Variants in TFB2M observed in about 807,000 individuals in gnomAD.
TFB2M encodes the protein dimethyladenosine transferase 2, mitochondrial.
Under a neutral mutation model 41.3 loss-of-function variants are expected in TFB2M, and 44 were observed. The observed-to-expected ratio is 1.07, with a 90% CI of 0.84 to 1.37. TFB2M has a LOEUF of 1.37. Among genes scored for constraint, TFB2M ranks in the 40% most tolerant of loss-of-function variants. The pLI, the probability that TFB2M is intolerant of heterozygous loss-of-function variation, is 0.00. For missense variants in TFB2M, 496 were observed against 490.2 expected (o/e 1.01, Z -0.11); for synonymous variants, 188 against 176.8 (o/e 1.06, Z -0.50).
chr1:246,552,002 C>G (rs1659198851), intron 4 of TFB2M, among the ~76,000 whole-genome samples: 1 of 152,008 alleles, frequency 6.6e-6, no homozygotes, highest in South Asian at 2.1e-4. Flanking sequence ...ATTTTTTGCC[C>G]CACTATCCTA....
chr1:246,553,646 C>T (rs1036712229), intron 4 of TFB2M, among the ~76,000 whole-genome samples: 3 of 124,862 alleles, frequency 2.4e-5, no homozygotes, highest in Non-Finnish European at 5.7e-5. Context: ...CCAGCCTGGG[C>T]GACAGTGAGA....
At chr1:246,551,090 A>G in intron 5 of TFB2M, 123 bp downstream of exon 5, 1 of 692,398 alleles carries the variant, frequency 1.4e-6, no homozygotes. Context: ...TGAGAGGATC[A>G]CTTGAGTCCA....
At chr1:246,563,177 G>GT (rs1209759639) in intron 2 of TFB2M, among the ~76,000 whole-genome samples, 4 of 150,272 alleles carry the variant, frequency 2.7e-5, no homozygotes, top group African/African-American at 9.8e-5. Context: ...TGATGCTGCT[G>GT]TGCTGCTTAG....
chr1:246,550,837 C>A (rs187714719), intron 5 of TFB2M, among the ~76,000 whole-genome samples: 3 of 152,130 alleles, frequency 2.0e-5, no homozygotes, highest in African/African-American at 7.2e-5. Flanking sequence ...GAGCCGAGAT[C>A]GAACCACTGC....
At chr1:246,547,186 G>T (rs1055388342) in intron 6 of TFB2M, among the ~76,000 whole-genome samples, 7 of 152,092 alleles carry the variant, frequency 4.6e-5, no homozygotes, top group African/African-American at 1.7e-4. Flanking sequence ...GTTTCAGCAC[G>T]TTGGCCAGGC....
rs776876056 is a variant in TFB2M, at chr1:246,565,865, G to C, written c.274C>G (p.Pro92Ala). The change falls in exon 1 of 8, where the codon CCA (proline) becomes GCA (alanine). Residue 92 changes from proline to alanine, a missense_variant. Physicochemically the swap from Pro to Ala is conservative, Grantham distance 27 (BLOSUM62 -1). Transcript: ENST00000366514. ...AGCAGTAGGTGTGGAGGTCTACTTG[G>C]TTTTCCCAAATAGATTTGCGCCAGG... Reference protein sequence around the residue: ...ETLAQIYLGKPSRPPHLLLEC... With the variant: ...ETLAQIYLGKASRPPHLLLEC... 6.2e-7 allele frequency: 1 copy of C among 1,608,754 alleles called. No individual in the cohort carries two copies. The highest frequency in any genetic ancestry group is 1.7e-5 in the Admixed American group (1 of 59,936).
chr1:246,541,045 G>C lies in TFB2M; in HGVS notation c.1177C>G (p.Leu393Val), dbSNP rs1423189757. ...CAGTCTAGTTGCTACCTATCTTCCAGGGTTTCATCATACAGCCATTTATAA... is the reference window on the plus strand; with the variant it reads ...CAGTCTAGTTGCTACCTATCTTCCACGGTTTCATCATACAGCCATTTATAA... ...CAYKWLYDET[L>V]EDR is the part of the protein sequence containing the mutation. Residue 393 changes from leucine (L) to valine (V), a missense_variant, in exon 8 of 8, where the codon CTG (leucine) becomes GTG (valine). By Grantham distance (32) the Leu-to-Val change is conservative. Coordinates refer to ENST00000366514, the MANE Select transcript of TFB2M (RefSeq NM_022366.3). The C allele has an allele frequency of 3.7e-6, 6 of 1,611,098 alleles. No homozygotes were observed. The highest frequency in any genetic ancestry group is 1.7e-5 in the Admixed American group (1 of 59,636).
intron 2 of TFB2M, among the ~76,000 whole-genome samples, chr1:246,558,438 C>T (rs1236703407): frequency 6.6e-6 from 1 of 152,088 alleles, no homozygotes; most frequent in Non-Finnish European, 1.5e-5. Context: ...TGAGCCACTG[C>T]ACCCGGCCCC....
chr1:246,545,137 A>T (rs998558295), intron 6 of TFB2M, among the ~76,000 whole-genome samples: 2 of 152,214 alleles, frequency 1.3e-5, no homozygotes, highest in Non-Finnish European at 2.9e-5. Flanking sequence ...CCAAGAACAC[A>T]AAGCCCTAAT....
At chr1:246,559,832 G>C (rs1236587293) in intron 2 of TFB2M, among the ~76,000 whole-genome samples, 1 of 152,152 alleles carries the variant, frequency 6.6e-6, no homozygotes. Context: ...GAGAAACAGA[G>C]GACTAGCCCT....
chr1:246,557,807 C>T (rs1358356287), intron 2 of TFB2M, among the ~76,000 whole-genome samples: 1 of 151,742 alleles, frequency 6.6e-6, no homozygotes, highest in Non-Finnish European at 1.5e-5. Context: ...GTAGCTGGGA[C>T]TACAGGTGCG....
rs751647201 is a variant in TFB2M, at chr1:246,544,563, T to C, written c.977A>G (p.His326Arg). Residue 326 changes from histidine (H) to arginine (R), a missense_variant, in exon 7 of 8, where the codon CAC becomes CGC. By Grantham distance (29) the His-to-Arg change is conservative. Transcript: ENST00000366514. ...NYNIFFHLLK[H>R]CFGRRSATVI... ...AGTGGCGCTGCGCCTCCCAAAACAG[T>C]GCTTTAACAAGTGAAAAAATATATT... The C allele has an allele frequency of 1.2e-6, 2 of 1,610,010 alleles. No individual in the cohort carries two copies. Among genetic ancestry groups the C allele is most frequent in the East Asian group, 4.5e-5 (2 of 44,818 alleles).
At chr1:246,545,967 C>G (rs1317307195) in intron 6 of TFB2M, among the ~76,000 whole-genome samples, 2 of 152,060 alleles carry the variant, frequency 1.3e-5, no homozygotes, top group African/African-American at 4.8e-5. Flanking sequence ...ATCCAGGAGT[C>G]TTAGGCCAAC....
rs766708323 is a variant in TFB2M, at chr1:246,551,318, T to C, written c.706-16A>G. 9 of 1,544,422 alleles carry C rather than the reference T, an allele frequency of 5.8e-6. No homozygotes were observed. Among genetic ancestry groups the C allele is most frequent in the Non-Finnish European group, 8.1e-6 (9 of 1,116,506 alleles). ...CCATTAGTTTCTAGTAAAAGGAAAA[T>C]AAAAATTACATGTTATACACATCTA... On this transcript the variant is annotated splice_polypyrimidine_tract_variant and intron_variant, in intron 4 of 7. Coordinates refer to ENST00000366514, the MANE Select transcript of TFB2M (RefSeq NM_022366.3).
At position 246,541,211 on chromosome 1, in the gene TFB2M, G is replaced by T. The variant is rs1658846119; in HGVS notation, c.1020-9C>A. The stretch of plus-strand genomic sequence containing the variant: ...CAAGTGGAGTCAATGAACTGCAAAA[G>T]AAATACAAAGTAAATGTACTTAATT... On this transcript the variant is annotated splice_polypyrimidine_tract_variant and intron_variant, in intron 7 of 7. Coordinates refer to ENST00000366514, the MANE Select transcript of TFB2M (RefSeq NM_022366.3). 5 of 1,611,644 alleles carry T rather than the reference G, an allele frequency of 3.1e-6. No homozygotes were observed. Among genetic ancestry groups the T allele is most frequent in the African/African-American group, 1.3e-5 (1 of 74,976 alleles).
chr1:246,547,468 T>C (rs1659055255), intron 6 of TFB2M, among the ~76,000 whole-genome samples: 1 of 152,218 alleles, frequency 6.6e-6, no homozygotes, highest in Non-Finnish European at 1.5e-5. Flanking sequence ...ACTACATAAA[T>C]ATGCTGTATA....
At chr1:246,543,078 C>T (rs571045494) in intron 7 of TFB2M, among the ~76,000 whole-genome samples, 4 of 150,310 alleles carry the variant, frequency 2.7e-5, no homozygotes, top group African/African-American at 9.8e-5. Flanking sequence ...ACTACAGCCT[C>T]CAATCCCCGG....
At chr1:246,565,720 GAAC>G (rs1329440577) in intron 1 of TFB2M, 103 bp downstream of exon 1, 18 of 1,264,596 alleles carry the variant, frequency 1.4e-5, no homozygotes, top group Non-Finnish European at 1.7e-5. Context: ...CAAAGCAAAA[GAAC>G]AACAAAAAAG....
chr1:246,552,737 T>A (rs1218058133), intron 4 of TFB2M, among the ~76,000 whole-genome samples: 3 of 151,614 alleles, frequency 2.0e-5, no homozygotes, highest in East Asian at 2.0e-4. Flanking sequence ...TTAAAAAAAA[T>A]AATTATAATA....
Sources: gnomAD v4.1 joint callset for allele counts (sites outside exome capture counted in the v4.1 genomes callset) on GRCh38, gnomAD v4.1.1 for gene constraint, MANE v1.5 for transcripts, NCBI Gene and HGNC (gene_info 2026-07-23, HGNC 2026-07-21) for gene names.